Variants in KCNN2 observed in about 807,000 individuals in gnomAD.
KCNN2 encodes the protein small conductance calcium-activated potassium channel protein 2.
A neutral mutation model predicts 55.5 loss-of-function variants in KCNN2; 24 were observed. That is an observed-to-expected ratio of 0.43 (90% CI 0.31 to 0.61). The LOEUF is 0.61. Among genes scored for constraint, KCNN2 ranks in the 20% least tolerant of loss-of-function variants. KCNN2 has a pLI of 0.08. For missense variants in KCNN2, 754 were observed against 853.6 expected (o/e 0.88, Z 1.45); for synonymous variants, 431 against 336.1 (o/e 1.28, Z -3.09).
intron 1 of KCNN2, among the ~76,000 whole-genome samples, chr5:114,139,466 C>CT (rs1286723919): frequency 1.3e-5 from 2 of 149,782 alleles, no homozygotes; most frequent in Non-Finnish European, 3.0e-5. Flanking sequence ...ACCACCCCCC[C>CT]CACACACACA....
chr5:114,215,859 G>A (rs2112586891), intron 1 of KCNN2, among the ~76,000 whole-genome samples: 1 of 152,168 alleles, frequency 6.6e-6, no homozygotes, highest in African/African-American at 2.4e-5. Flanking sequence ...GCCAAAATTT[G>A]TCAGCAGTTT....
At chr5:114,296,842 T>A (rs1206924528) in intron 2 of KCNN2, among the ~76,000 whole-genome samples, 1 of 152,228 alleles carries the variant, frequency 6.6e-6, no homozygotes, top group African/African-American at 2.4e-5. Context: ...TGACAATATA[T>A]ATTTCTTCCT....
chr5:114,297,886 G>A (rs1756062238), intron 2 of KCNN2, among the ~76,000 whole-genome samples: 1 of 152,052 alleles, frequency 6.6e-6, no homozygotes, highest in South Asian at 2.1e-4. Context: ...TCTTAGCTGT[G>A]TCCTTGGTCA....
At chr5:114,339,527 G>A (rs1205270640) in intron 2 of KCNN2, among the ~76,000 whole-genome samples, 1 of 152,166 alleles carries the variant, frequency 6.6e-6, no homozygotes, top group East Asian at 1.9e-4. Context: ...GATGGGCTGG[G>A]TGATGTGGCT....
At position 114,401,043 on chromosome 5, in the gene KCNN2, C is replaced by G. The variant is rs531406061; in HGVS notation, c.1219-3395C>G. On this transcript the variant is annotated intron_variant, in intron 2 of 7. Transcript: ENST00000673685. ...TTCAATGGGCAGATTCTCTGTTCAT[C>G]ATAAATGCTGCTGTATGGCTGGTAT... is the stretch of plus-strand genomic sequence containing the variant. Among the ~76,000 whole-genome samples, 41 of 148,332 alleles carry G rather than the reference C, an allele frequency of 2.8e-4. No individual in the cohort carries two copies. The South Asian group carries it at 8.0e-3, about 29-fold the overall frequency.
chr5:114,088,722 G>A (rs1362519853), intron 1 of KCNN2, among the ~76,000 whole-genome samples: 1 of 151,974 alleles, frequency 6.6e-6, no homozygotes, highest in African/African-American at 2.4e-5. Flanking sequence ...TGGGTTAAGA[G>A]GATTCTCTTG....
In KCNN2 at chr5:114,493,390, T is replaced by G. The variant is rs1217235781; in HGVS notation, c.2019-13T>G. On this transcript the variant is annotated splice_polypyrimidine_tract_variant and intron_variant, in intron 6 of 7. Coordinates refer to ENST00000673685, the MANE Select transcript of KCNN2 (RefSeq NM_021614.4). ...AGAAGGGAACCTTTCTGATACCAGA[T>G]TCTATCTTTTAGATTAAGAAGTGTA... 2 of 1,520,302 alleles carry G rather than the reference T, an allele frequency of 1.3e-6. No homozygotes were observed. The highest frequency in any genetic ancestry group is 1.7e-5 in the Admixed American group (1 of 59,888). The allele number at this position is 1,520,302 out of a possible 1,614,324, so 94.2% of individuals were successfully genotyped here. A position where few individuals can be genotyped will look rare whatever the true frequency, so the allele number is the denominator to read the frequency against.
intron 2 of KCNN2, among the ~76,000 whole-genome samples, chr5:114,385,118 G>A (rs932056902): frequency 3.3e-5 from 5 of 152,098 alleles, no homozygotes; most frequent in Non-Finnish European, 7.4e-5. Context: ...TAAAATTAGT[G>A]AGTCTGAAGT....
chr5:114,097,528 C>G (rs1229988024), intron 1 of KCNN2, among the ~76,000 whole-genome samples: 1 of 152,088 alleles, frequency 6.6e-6, no homozygotes, highest in Non-Finnish European at 1.5e-5. Context: ...ATAGCTTGTT[C>G]CCCTGGCTGA....
At chr5:114,100,092 G>A (rs1751343655) in intron 1 of KCNN2, among the ~76,000 whole-genome samples, 1 of 151,946 alleles carries the variant, frequency 6.6e-6, no homozygotes, top group African/African-American at 2.4e-5. Context: ...AGCAGTGGAT[G>A]AAAACAGTAG....
intron 2 of KCNN2, among the ~76,000 whole-genome samples, chr5:114,346,445 T>A (rs1395142243): frequency 2.0e-5 from 3 of 152,210 alleles, no homozygotes; most frequent in African/African-American, 7.2e-5. Flanking sequence ...CTAGCTATTC[T>A]GTAACTAAGA....
intron 1 of KCNN2, among the ~76,000 whole-genome samples, chr5:114,127,333 G>T (rs555493226): frequency 1.3e-5 from 2 of 152,134 alleles, no homozygotes; most frequent in Non-Finnish European, 2.9e-5. Context: ...AGGCGTTTCC[G>T]TACATCCTGA....
chr5:114,414,451 T>A (rs1759234525), intron 3 of KCNN2, among the ~76,000 whole-genome samples: 1 of 152,148 alleles, frequency 6.6e-6, no homozygotes, highest in Non-Finnish European at 1.5e-5. Context: ...GTGAACTGTT[T>A]CTCCGCTGCT....
At position 114,406,393 on chromosome 5, in the gene KCNN2, A is replaced by G. The variant is rs1192003951; in HGVS notation, c.1637+1537A>G. Among the ~76,000 whole-genome samples, 4 of 151,756 alleles carry G rather than the reference A, an allele frequency of 2.6e-5. No homozygotes were observed. The East Asian group carries it at 7.7e-4, about 29-fold the overall frequency. On this transcript the variant is annotated intron_variant, in intron 3 of 7. Coordinates refer to ENST00000673685, the MANE Select transcript of KCNN2 (RefSeq NM_021614.4). Reference sequence around the variant, plus strand: ...TTCACAACTTCACTCCTCCCCAAAAAAGTGATTTTTATCTCCCTATCTCCC... The same window carrying G: ...TTCACAACTTCACTCCTCCCCAAAAGAGTGATTTTTATCTCCCTATCTCCC...
At chr5:114,130,994 C>G (rs1394937682) in intron 1 of KCNN2, among the ~76,000 whole-genome samples, 2 of 152,022 alleles carry the variant, frequency 1.3e-5, no homozygotes, top group African/African-American at 4.8e-5. Context: ...TTTTCTGGGT[C>G]AAAAATAAAA....
intron 6 of KCNN2, among the ~76,000 whole-genome samples, chr5:114,488,470 C>T (rs1433120507): frequency 6.6e-6 from 1 of 152,158 alleles, no homozygotes. Flanking sequence ...AGGAAAAACA[C>T]AGAAAGGAAC....
intron 4 of KCNN2, among the ~76,000 whole-genome samples, chr5:114,472,721 T>C (rs1022011030): frequency 2.6e-5 from 4 of 152,236 alleles, no homozygotes; most frequent in Non-Finnish European, 4.4e-5. Context: ...TTGTTATTTG[T>C]TCCTATTATA....
chr5:114,472,682 C>T (rs977603556), intron 4 of KCNN2, among the ~76,000 whole-genome samples: 33 of 152,070 alleles, frequency 2.2e-4, no homozygotes, highest in Admixed American at 1.2e-3. Flanking sequence ...TTATTTCTAC[C>T]CCATATACAT....
intron 5 of KCNN2, 76 bp from the exon 6 acceptor site, chr5:114,486,972 GAA>G: frequency 6.6e-7 from 1 of 1,512,912 alleles, no homozygotes; most frequent in Non-Finnish European, 9.1e-7. Flanking sequence ...TCCTTGGGAT[GAA>G]GACTATGACC....
Sources: allele counts gnomAD v4.1 joint callset (sites outside exome capture counted in the v4.1 genomes callset), GRCh38; gene constraint gnomAD v4.1.1; transcripts MANE v1.5; gene names NCBI Gene and HGNC (gene_info 2026-07-23, HGNC 2026-07-21).